The following FSTL4 variants were observed in gnomAD, a reference collection of about 807,000 sequenced individuals.
FSTL4 encodes follistatin like 4.
In FSTL4, 28 loss-of-function variants were observed where a neutral mutation model predicts 78.2. That is an observed-to-expected ratio of 0.36 (90% CI 0.27 to 0.49). The LOEUF is 0.49. FSTL4 is among the 20% of genes least tolerant of loss of function. The pLI, the probability that FSTL4 is intolerant of heterozygous loss-of-function variation, is 0.98. For missense variants in FSTL4, 922 were observed against 1,084.9 expected (o/e 0.85, Z 2.11); for synonymous variants, 422 against 440.5 (o/e 0.96, Z 0.53).
At chr5:133,216,599 C>T (rs553526842) in intron 13 of FSTL4, among the ~76,000 whole-genome samples, 13 of 152,358 alleles carry the variant, frequency 8.5e-5, no homozygotes, top group African/African-American at 2.6e-4. Flanking sequence ...GATCCACCCA[C>T]CTCAGCCTCC....
chr5:133,349,370 T>G (rs1003232399), intron 4 of FSTL4, among the ~76,000 whole-genome samples: 1 of 151,756 alleles, frequency 6.6e-6, no homozygotes, highest in African/African-American at 2.4e-5. Flanking sequence ...TAGCCCCATC[T>G]CTCTGAGGAG....
the FSTL4 span, among the ~76,000 whole-genome samples, chr5:133,676,917 AC>A: frequency 1.3e-5 from 2 of 152,210 alleles, no homozygotes; most frequent in South Asian, 2.1e-4. Context: ...CTTTTCCACC[AC>A]GAGGGTTTTA....
chr5:133,422,034 G>A (rs1756707710), intron 3 of FSTL4, among the ~76,000 whole-genome samples: 1 of 152,148 alleles, frequency 6.6e-6, no homozygotes, highest in African/African-American at 2.4e-5. Flanking sequence ...CATGGAGTGA[G>A]GGAACAAGCT....
In FSTL4 at chr5:133,610,672, T is replaced by G. The variant is rs368246295; in HGVS notation, c.-11+1653A>C. Among the ~76,000 whole-genome samples the G allele has an allele frequency of 3.0e-4, 45 of 152,272 alleles. 1 individual carries two copies. Among genetic ancestry groups the G allele is most frequent in the African/African-American group, 9.9e-4 (41 of 41,560 alleles). Reference sequence around the variant, plus strand: ...CACCTCCGACCATTCCCTTCCCAGGTGGACCCCCCGCCAACCAGACCCAGA... The same window carrying G: ...CACCTCCGACCATTCCCTTCCCAGGGGGACCCCCCGCCAACCAGACCCAGA... On this transcript the variant is annotated intron_variant, in intron 1 of 15. Transcript: ENST00000265342.
At chr5:133,213,143 T>G (rs1243863692) in intron 13 of FSTL4, among the ~76,000 whole-genome samples, 1 of 151,880 alleles carries the variant, frequency 6.6e-6, no homozygotes, top group Non-Finnish European at 1.5e-5. Flanking sequence ...GCTGGGATTA[T>G]AGGCCTGCAC....
the FSTL4 span, among the ~76,000 whole-genome samples, chr5:133,625,347 T>G: frequency 6.6e-6 from 1 of 151,752 alleles, no homozygotes; most frequent in African/African-American, 2.4e-5. Context: ...TTGTGGAAGT[T>G]TATACATTTT....
chr5:133,231,448 C>G (rs1263333135), intron 8 of FSTL4, among the ~76,000 whole-genome samples: 4 of 152,146 alleles, frequency 2.6e-5, no homozygotes, highest in African/African-American at 9.7e-5. Flanking sequence ...GGCAGAGACC[C>G]AACTCTTTCC....
At chr5:133,718,636 G>A in the FSTL4 span, among the ~76,000 whole-genome samples, 152,354 of 152,354 alleles carry the variant, frequency 1, 76,177 homozygotes, top group Non-Finnish European at 1. Flanking sequence ...AGGGAAAAAG[G>A]AAATAGAGAA....
intron 3 of FSTL4, among the ~76,000 whole-genome samples, chr5:133,462,493 T>C (rs1757612216): frequency 6.6e-6 from 1 of 152,218 alleles, no homozygotes; most frequent in African/African-American, 2.4e-5. Flanking sequence ...GGACTCAAAG[T>C]AGCACATGTG....
chr5:133,625,242 C>G, the FSTL4 span, among the ~76,000 whole-genome samples: 1 of 151,680 alleles, frequency 6.6e-6, no homozygotes. Context: ...GTGAAACCAT[C>G]TGAGCTGAAG....
At chr5:133,216,623 TTA>T (rs1750917070) in intron 13 of FSTL4, among the ~76,000 whole-genome samples, 1 of 152,232 alleles carries the variant, frequency 6.6e-6, no homozygotes, top group Non-Finnish European at 1.5e-5. Context: ...AGTGCTGGGA[TTA>T]TAGGTGTGAG....
intron 3 of FSTL4, among the ~76,000 whole-genome samples, chr5:133,546,602 A>G (rs1759580023): frequency 6.6e-6 from 1 of 151,934 alleles, no homozygotes; most frequent in Non-Finnish European, 1.5e-5. Context: ...GGAGATTAGT[A>G]TAGACAGAAG....
intron 7 of FSTL4, among the ~76,000 whole-genome samples, chr5:133,246,298 G>A (rs1049287098): frequency 4.1e-4 from 63 of 152,330 alleles, no homozygotes; most frequent in African/African-American, 1.5e-3. Context: ...CTGCATCAGT[G>A]TTGCACTCCT....
chr5:133,224,846 G>A (rs1203532166), intron 10 of FSTL4, among the ~76,000 whole-genome samples: 1 of 152,166 alleles, frequency 6.6e-6, no homozygotes, highest in Non-Finnish European at 1.5e-5. Context: ...AGAGGTTCAG[G>A]GCATACAGCA....
At chr5:133,652,526 G>A in the FSTL4 span, among the ~76,000 whole-genome samples, 1 of 151,864 alleles carries the variant, frequency 6.6e-6, no homozygotes, top group African/African-American at 2.4e-5. Flanking sequence ...ATTTAGAAAT[G>A]TGTTGCTTAA....
Position 133,395,519 on chromosome 5 carries a change from G to C in FSTL4, c.409+5219C>G, listed in dbSNP as rs146335445. ...CGCGCGGGTCCGCGGCTTCATTCTC[G>C]AAGTCAGAGAGACCAAGAACCCACC... is the stretch of plus-strand genomic sequence containing the variant. On this transcript the variant is annotated intron_variant, in intron 4 of 15. Transcript: ENST00000265342. Among the ~76,000 whole-genome samples, 345 of 152,306 alleles carry C rather than the reference G, an allele frequency of 2.3e-3. 1 individual carries two copies. Among genetic ancestry groups the C allele is most frequent in the Non-Finnish European group, 4.1e-3 (278 of 68,024 alleles).
the FSTL4 span, among the ~76,000 whole-genome samples, chr5:133,727,880 C>T: frequency 2.0e-5 from 3 of 152,144 alleles, 1 homozygote; most frequent in African/African-American, 4.8e-5. Context: ...CTGTTGCTGG[C>T]CTGAGGACAC....
the FSTL4 span, among the ~76,000 whole-genome samples, chr5:133,684,347 G>A: frequency 2.0e-5 from 3 of 152,118 alleles, no homozygotes; most frequent in Non-Finnish European, 4.4e-5. Flanking sequence ...GAGAGCACCC[G>A]TGAGACTCCA....
At chr5:133,800,841 A>C in the FSTL4 span, among the ~76,000 whole-genome samples, 1 of 152,028 alleles carries the variant, frequency 6.6e-6, no homozygotes, top group Non-Finnish European at 1.5e-5. Context: ...AAGTTTTAGA[A>C]GTCACTTTTA....
Sources: allele counts gnomAD v4.1 joint callset (sites outside exome capture counted in the v4.1 genomes callset), GRCh38; gene constraint gnomAD v4.1.1; transcripts MANE v1.5; gene names NCBI Gene and HGNC (gene_info 2026-07-23, HGNC 2026-07-21).